KREMEN1: variants seen among roughly 807,000 people sequenced by gnomAD.
KREMEN1 encodes the protein kremen protein 1.
Under a neutral mutation model 46.5 loss-of-function variants are expected in KREMEN1, and 30 were observed. The observed-to-expected ratio is 0.65, with a 90% CI of 0.48 to 0.88. KREMEN1 has a LOEUF of 0.88. KREMEN1 is among the 40% of genes least tolerant of loss of function. The pLI is 0.00. For missense variants in KREMEN1, 533 were observed against 596.9 expected (o/e 0.89, Z 1.11); for synonymous variants, 214 against 230.6 (o/e 0.93, Z 0.65).
chr22:29,074,440 C>T (rs2037533703), intron 1 of KREMEN1, among the ~76,000 whole-genome samples: 1 of 152,250 alleles, frequency 6.6e-6, no homozygotes, highest in Non-Finnish European at 1.5e-5. Flanking sequence ...CAGGTCTTCC[C>T]GAGGTGAGGC....
At position 29,142,177 on chromosome 22, in the gene KREMEN1, C is replaced by T. The variant is rs2038774907; in HGVS notation, c.*65C>T. On this transcript the variant is annotated 3_prime_UTR_variant, in exon 9 of 9. Transcript: ENST00000400335. ...CTCAAGGCTGCCGTGGTCAACCTCT[C>T]CTGTGGTTCTTCTCTGACAGACTCT... 6.8e-7 allele frequency: 1 copy of T among 1,466,754 alleles called. No individual in the cohort carries two copies. The highest frequency in any genetic ancestry group is 9.0e-7 in the Non-Finnish European group (1 of 1,109,540). The allele number at this position is 1,466,754 out of a possible 1,614,324, so 90.9% of individuals were successfully genotyped here. A position where few individuals can be genotyped will look rare whatever the true frequency, so the allele number is the denominator to read the frequency against.
chr22:29,108,558 A>G (rs890332446), intron 3 of KREMEN1, among the ~76,000 whole-genome samples: 5 of 152,238 alleles, frequency 3.3e-5, no homozygotes, highest in African/African-American at 1.2e-4. Context: ...GGTAGACATG[A>G]AAGTACCAAC....
intron 5 of KREMEN1, among the ~76,000 whole-genome samples, chr22:29,131,668 G>GTA (rs1357706719): frequency 1.0e-5 from 1 of 98,100 alleles, no homozygotes; most frequent in African/African-American, 4.4e-5. Flanking sequence ...ATATATACAT[G>GTA]TATATATATG....
intron 9 of KREMEN1, among the ~76,000 whole-genome samples, chr22:29,152,704 C>T (rs2038924727): frequency 6.6e-6 from 1 of 151,478 alleles, no homozygotes; most frequent in South Asian, 2.1e-4. Context: ...CACAACCTTT[C>T]CTTTTTTTCC....
chr22:29,126,027 T>C (rs1373555701), intron 5 of KREMEN1, among the ~76,000 whole-genome samples: 1 of 151,592 alleles, frequency 6.6e-6, no homozygotes, highest in African/African-American at 2.4e-5. Flanking sequence ...TTCCTCATCA[T>C]AATCCACCAG....
intron 3 of KREMEN1, among the ~76,000 whole-genome samples, chr22:29,113,154 C>T (rs12158320): frequency 0.054 from 8,186 of 152,214 alleles, 539 homozygotes; most frequent in South Asian, 0.19. Flanking sequence ...GAATGGGAGT[C>T]GGCAATCCTG....
intron 7 of KREMEN1, among the ~76,000 whole-genome samples, chr22:29,139,613 G>A (rs1368844955): frequency 6.6e-6 from 1 of 151,648 alleles, no homozygotes; most frequent in Non-Finnish European, 1.5e-5. Flanking sequence ...AAAAAGAAAA[G>A]AGTAGAAAAA....
At position 29,121,373 on chromosome 22, in the gene KREMEN1, C is replaced by T. The variant is rs747819246; in HGVS notation, c.369C>T (p.Gly123=). ...TTTCTTTAGTGCCTGGAAACCTTGGCTGCTACAAGGATCATGGAAACCCAC... is the reference window on the plus strand; with the variant it reads ...TTTCTTTAGTGCCTGGAAACCTTGGTTGCTACAAGGATCATGGAAACCCAC... The part of the protein sequence containing the change: ...IPACQMPGNL[G]CYKDHGNPPP... The change falls in exon 4 of 9, where the codon GGC becomes GGT. Residue 123 remains glycine (G), a synonymous_variant. Coordinates refer to ENST00000400335, the MANE Select transcript of KREMEN1 (RefSeq NM_001039570.3). 1 of 1,613,806 alleles carries T rather than the reference C, an allele frequency of 6.2e-7. No homozygotes were observed. The highest frequency in any genetic ancestry group is 1.3e-5 in the African/African-American group (1 of 74,884).
intron 5 of KREMEN1, 116 bp downstream of exon 5, chr22:29,125,532 A>G: frequency 9.4e-7 from 1 of 1,069,218 alleles, no homozygotes; most frequent in African/African-American, 1.6e-5. Flanking sequence ...GGCAATAGAC[A>G]ATACTTGTGA....
chr22:29,116,787 A>ATAT (rs2038247162), intron 3 of KREMEN1, among the ~76,000 whole-genome samples: 1 of 152,212 alleles, frequency 6.6e-6, no homozygotes, highest in Non-Finnish European at 1.5e-5. Context: ...AAGGTCCTTT[A>ATAT]ACAAACTCAG....
In KREMEN1 at chr22:29,143,487, A is replaced by G; in HGVS notation, c.*1375A>G. 1 of 982,920 alleles carries G rather than the reference A, an allele frequency of 1.0e-6. No homozygotes were observed. The highest frequency in any genetic ancestry group is 1.2e-6 in the Non-Finnish European group (1 of 827,696). 60.9% of individuals were successfully genotyped at this position (982,920 alleles called of 1,614,324 possible). ...GCCGGGCGCGGTGGCTCATGCCTGT[A>G]ATCCCAGCACTTTGGGAGGCTGAGG... On this transcript the variant is annotated 3_prime_UTR_variant, in exon 9 of 9. Coordinates refer to ENST00000400335, the MANE Select transcript of KREMEN1 (RefSeq NM_001039570.3).
chr22:29,104,403 G>T (rs1242208279), intron 3 of KREMEN1, among the ~76,000 whole-genome samples: 1 of 152,008 alleles, frequency 6.6e-6, no homozygotes, highest in Non-Finnish European at 1.5e-5. Context: ...CAATCCTCCT[G>T]CCTTGGCCTC....
intron 5 of KREMEN1, among the ~76,000 whole-genome samples, chr22:29,136,253 C>T (rs1375564748): frequency 6.6e-6 from 1 of 151,198 alleles, no homozygotes; most frequent in African/African-American, 2.4e-5. Context: ...TAAAGGGAAC[C>T]AGAACTCCCC....
chr22:29,085,152 TA>T (rs1443018476), intron 1 of KREMEN1, among the ~76,000 whole-genome samples: 1 of 152,212 alleles, frequency 6.6e-6, no homozygotes, highest in Non-Finnish European at 1.5e-5. Flanking sequence ...GAAAAAAGGC[TA>T]AGGTAGATTA....
At chr22:29,105,521 A>G (rs990234136) in intron 3 of KREMEN1, among the ~76,000 whole-genome samples, 4 of 151,272 alleles carry the variant, frequency 2.6e-5, no homozygotes, top group African/African-American at 9.7e-5. Flanking sequence ...ACTCTGATGA[A>G]TTCCAAGCAA....
chr22:29,129,350 A>C (rs2038498224), intron 5 of KREMEN1, among the ~76,000 whole-genome samples: 1 of 152,072 alleles, frequency 6.6e-6, no homozygotes, highest in Non-Finnish European at 1.5e-5. Context: ...CCATCTAAAA[A>C]AAAAAAGGTC....
chr22:29,159,850 G>A (rs1253623286), intron 9 of KREMEN1, among the ~76,000 whole-genome samples: 1 of 152,136 alleles, frequency 6.6e-6, no homozygotes, highest in Non-Finnish European at 1.5e-5. Context: ...ATTAAAGCAA[G>A]AGGGAGGCTA....
intron 1 of KREMEN1, 99 bp from the exon 2 acceptor site, chr22:29,094,159 T>A (rs1318757865): frequency 6.1e-6 from 6 of 988,100 alleles, no homozygotes; most frequent in Non-Finnish European, 1.5e-6. Flanking sequence ...CACTATCCAT[T>A]TCCAGCTTGG....
At chr22:29,099,265 AG>A (rs894298563) in intron 3 of KREMEN1, 57 of 261,410 alleles carry the variant, frequency 2.2e-4, no homozygotes, top group Non-Finnish European at 1.0e-4. Flanking sequence ...AGCCTAGGGG[AG>A]AAAAATATCT....
Sources: allele counts gnomAD v4.1 joint callset (sites outside exome capture counted in the v4.1 genomes callset), GRCh38; gene constraint gnomAD v4.1.1; transcripts MANE v1.5; gene names NCBI Gene and HGNC (gene_info 2026-07-23, HGNC 2026-07-21).